Variants in ZDHHC6 observed in about 807,000 individuals in gnomAD.
The protein encoded by ZDHHC6 is palmitoyltransferase ZDHHC6.
In ZDHHC6, 32 loss-of-function variants were observed where a neutral mutation model predicts 57.8. The ratio of observed to expected loss-of-function variants is 0.55; its 90% CI spans 0.42 to 0.74. The LOEUF (loss-of-function observed/expected upper bound fraction) is 0.74, where lower values mean the gene tolerates loss of function less well. ZDHHC6 is among the 30% of genes least tolerant of loss of function. The pLI, the probability that ZDHHC6 is intolerant of heterozygous loss-of-function variation, is 0.00. For synonymous variants in ZDHHC6, 128 were observed against 158.0 expected, an observed-to-expected ratio of 0.81 and a Z score of 1.42; for missense variants, 433 against 500.7, an observed-to-expected ratio of 0.86 and a Z score of 1.29.
chr10:112,432,595 T>A (rs1380198226), intron 8 of ZDHHC6, 74 bp from the exon 9 acceptor site: 1 of 1,538,372 alleles, frequency 6.5e-7, no homozygotes, highest in Non-Finnish European at 8.7e-7. Context: ...AATTTCAAAT[T>A]TTAAAGCAAG....
intron 7 of ZDHHC6, 166 bp from the exon 8 acceptor site, chr10:112,433,447 G>T: frequency 2.0e-6 from 1 of 509,110 alleles, no homozygotes; most frequent in Non-Finnish European, 3.4e-6. Context: ...GGAAAAAAAG[G>T]CCCTATGCTA....
rs746536999 is a variant in ZDHHC6, at chr10:112,445,420, G to A, written c.17C>T (p.Ser6Leu). ...TTGTAGATTTTCAAACTTGATAACC[G>A]AACAGAATGTACCCATTTTGGCAAG... is the stretch of plus-strand genomic sequence containing the variant. MGTFC[S>L]VIKFENLQEL... Residue 6 changes from serine to leucine, a missense_variant, in exon 2 of 11, where the codon TCG (serine) becomes TTG (leucine). Physicochemically the swap from Ser to Leu is moderately radical, Grantham distance 145. Coordinates refer to ENST00000369405, the MANE Select transcript of ZDHHC6 (RefSeq NM_022494.3). 23 of 1,613,860 alleles carry A rather than the reference G, an allele frequency of 1.4e-5. No homozygotes were observed. The East Asian group carries it at 1.8e-4, about 13-fold the overall frequency.
chr10:112,426,562 T>C (rs1844727497), downstream of ZDHHC6: 1 of 620,624 alleles, frequency 1.6e-6, no homozygotes. Flanking sequence ...TGGGAAAAGA[T>C]TGGGAAAGAA....
rs78083081 is a variant in ZDHHC6, at chr10:112,436,079, T to A, written c.736-1615A>T. On this transcript the variant is annotated intron_variant, in intron 6 of 10. Coordinates refer to ENST00000369405, the MANE Select transcript of ZDHHC6 (RefSeq NM_022494.3). ...AGCATTCTAGGCAGAGGGAACAACA[T>A]GTGCAAGGATACAGAAGCATAAGAT... Among the ~76,000 whole-genome samples, 7 of 152,234 alleles carry A rather than the reference T, an allele frequency of 4.6e-5. No homozygotes were observed. In the East Asian group the frequency reaches 1.4e-3, roughly 29 times the overall value.
intron 2 of ZDHHC6, 77 bp downstream of exon 2, chr10:112,445,093 T>C: frequency 2.0e-6 from 3 of 1,491,524 alleles, no homozygotes; most frequent in South Asian, 1.3e-5. Context: ...GTGTTTGGTA[T>C]TATTGGTTAG....
downstream of ZDHHC6, chr10:112,426,167 A>T: frequency 1.0e-6 from 1 of 997,412 alleles, no homozygotes; most frequent in Non-Finnish European, 1.6e-6. Flanking sequence ...AATAACTATT[A>T]CAATGACATA....
chr10:112,439,358 C>A (rs1845850236), intron 5 of ZDHHC6, among the ~76,000 whole-genome samples: 1 of 152,046 alleles, frequency 6.6e-6, no homozygotes. Context: ...TTGGGCCGGG[C>A]ACAGTGGCTC....
chr10:112,427,512 A>G, downstream of ZDHHC6: 1 of 613,664 alleles, frequency 1.6e-6, no homozygotes. Flanking sequence ...GAGACATATA[A>G]TGTGTAAACT....
intron 2 of ZDHHC6, 27 bp downstream of exon 2, chr10:112,445,133 ATCATTAAAGT>A (rs1384332731): frequency 1.9e-6 from 3 of 1,585,988 alleles, no homozygotes; most frequent in African/African-American, 1.3e-5. Flanking sequence ...ATATACGATT[ATCATTAAAGT>A]TCATTGTCTT....
chr10:112,434,601 T>C (rs1415925263), intron 6 of ZDHHC6, 137 bp from the exon 7 acceptor site: 1 of 851,820 alleles, frequency 1.2e-6, no homozygotes, highest in Non-Finnish European at 1.7e-6. Context: ...TTAGTGTACA[T>C]GGAAGCAATA....
intron 2 of ZDHHC6, among the ~76,000 whole-genome samples, chr10:112,443,949 G>C (rs532560108): frequency 1.2e-3 from 190 of 152,296 alleles, no homozygotes; most frequent in African/African-American, 4.0e-3. Flanking sequence ...AGTTAATCGT[G>C]AGTTGATAGT....
downstream of ZDHHC6, among the ~76,000 whole-genome samples, chr10:112,429,716 T>G (rs1844870329): frequency 1.3e-5 from 2 of 152,226 alleles, no homozygotes; most frequent in African/African-American, 4.8e-5. Flanking sequence ...CAAGGGTACA[T>G]GAGTAGTTTG....
chr10:112,430,858 A>G lies in ZDHHC6; in HGVS notation c.1188T>C (p.Cys396=). 6.2e-7 allele frequency: 1 copy of G among 1,613,976 alleles called. No individual in the cohort carries two copies. The highest frequency in any genetic ancestry group is 1.1e-5 in the South Asian group (1 of 91,038). Residue 396 remains cysteine, a synonymous_variant, in exon 11 of 11, where the codon TGT becomes TGC. Coordinates refer to ENST00000369405, the MANE Select transcript of ZDHHC6 (RefSeq NM_022494.3). Reference sequence around the variant, plus strand: ...CTTGATCTGTTTCAGCATCACAGGGACACTTTTCCACACATTTTCTAGGGA... The same window carrying G: ...CTTGATCTGTTTCAGCATCACAGGGGCACTTTTCCACACATTTTCTAGGGA... ...GWFPRKCVEK[C]PCDAETDQAP...
chr10:112,437,990 T>C (rs1039445267), intron 6 of ZDHHC6, among the ~76,000 whole-genome samples: 1 of 152,210 alleles, frequency 6.6e-6, no homozygotes, highest in Non-Finnish European at 1.5e-5. Context: ...AAAAACCTGA[T>C]GGCAGTTTGG....
chr10:112,440,905 G>A (rs1374999792), intron 4 of ZDHHC6, among the ~76,000 whole-genome samples: 1 of 152,164 alleles, frequency 6.6e-6, no homozygotes, highest in Non-Finnish European at 1.5e-5. Flanking sequence ...GAGTGCAGTG[G>A]CACGATCTCG....
chr10:112,428,761 ACT>A (rs561477734), downstream of ZDHHC6, among the ~76,000 whole-genome samples: 202 of 122,706 alleles, frequency 1.6e-3, no homozygotes, highest in African/African-American at 6.0e-3. Flanking sequence ...AAAGTGTGAG[ACT>A]CTGTCTCAAA....
At chr10:112,429,968 G>GA (rs1463958262), downstream of ZDHHC6, among the ~76,000 whole-genome samples, 27 of 63,918 alleles carry the variant, frequency 4.2e-4, no homozygotes, top group African/African-American at 8.1e-4. Flanking sequence ...GCAGTTGTTG[G>GA]GGGGGGGGTG....
In ZDHHC6 at chr10:112,432,376, C is replaced by A; in HGVS notation, c.1091G>T (p.Arg364Leu). 3.1e-6 allele frequency: 5 copies of A among 1,614,002 alleles called. No individual in the cohort carries two copies. Among genetic ancestry groups the A allele is most frequent in the Non-Finnish European group, 4.2e-6 (5 of 1,179,978 alleles). The change falls in exon 9 of 11, where the codon CGA becomes CTA. Residue 364 changes from arginine to leucine, a missense_variant and splice_region_variant. Coordinates refer to ENST00000369405, the MANE Select transcript of ZDHHC6 (RefSeq NM_022494.3). ...GEFILATRGL[R>L]YWLYGDKILD... Reference sequence around the variant, plus strand: ...AAATGCAGTACTTCCTATTACTTACCGTAAACCTCTTGTGGCTAAAATGAA... The same window carrying A: ...AAATGCAGTACTTCCTATTACTTACAGTAAACCTCTTGTGGCTAAAATGAA...
At position 112,445,203 on chromosome 10, in the gene ZDHHC6, G is replaced by A. The variant is rs140210612; in HGVS notation, c.234C>T (p.Val78=). The part of the protein sequence containing the change: ...ILYNYFNAMF[V]GPGFVPLGWK... The stretch of plus-strand genomic sequence containing the variant: ...ACCCCAGAGGGACAAAGCCCGGACC[G>A]ACAAACATGGCATTGAAGTAATTAT... The change falls in exon 2 of 11, where the codon GTC becomes GTT. Residue 78 remains valine, a synonymous_variant. Coordinates refer to ENST00000369405, the MANE Select transcript of ZDHHC6 (RefSeq NM_022494.3). 24 of 1,613,798 alleles carry A rather than the reference G, an allele frequency of 1.5e-5. No homozygotes were observed. The highest frequency in any genetic ancestry group is 6.7e-5 in the Admixed American group (4 of 60,002).
Sources: gnomAD v4.1 joint callset for allele counts (sites outside exome capture counted in the v4.1 genomes callset) on GRCh38, gnomAD v4.1.1 for gene constraint, MANE v1.5 for transcripts, NCBI Gene and HGNC (gene_info 2026-07-23, HGNC 2026-07-21) for gene names.